Variants in CXCL13 observed in about 807,000 individuals in gnomAD.
The protein encoded by CXCL13 is C-X-C motif chemokine 13.
In CXCL13, 7 loss-of-function variants were observed where a neutral mutation model predicts 12.2. The ratio of observed to expected loss-of-function variants is 0.57; its 90% CI spans 0.33 to 1.07. The LOEUF is 1.07. Ranked by LOEUF, CXCL13 falls within the 50% of genes least tolerant of loss-of-function variation. The pLI is 0.04. For synonymous variants in CXCL13, 47 were observed against 42.4 expected (o/e 1.11, Z -0.42); for missense variants, 113 against 127.4 (o/e 0.89, Z 0.55).
At chr4:77,546,888 T>C (rs1343660947) in intron 1 of CXCL13, among the ~76,000 whole-genome samples, 1 of 152,246 alleles carries the variant, frequency 6.6e-6, no homozygotes, top group Non-Finnish European at 1.5e-5. Context: ...GTGCTATAAA[T>C]TTCCCTCTAC....
intron 1 of CXCL13, among the ~76,000 whole-genome samples, chr4:77,583,624 C>T (rs2109826252): frequency 6.6e-6 from 1 of 152,278 alleles, no homozygotes; most frequent in African/African-American, 2.4e-5. Context: ...TCCCTTGATC[C>T]CAGAGGCAGC....
chr4:77,516,416 G>A (rs903855280), intron 1 of CXCL13, among the ~76,000 whole-genome samples: 17 of 152,218 alleles, frequency 1.1e-4, no homozygotes, highest in South Asian at 2.1e-4. Flanking sequence ...GGTAGAATTC[G>A]GCTGTGAATC....
At chr4:77,545,805 A>T (rs1395358516) in intron 1 of CXCL13, among the ~76,000 whole-genome samples, 5 of 152,180 alleles carry the variant, frequency 3.3e-5, no homozygotes, top group Non-Finnish European at 5.9e-5. Flanking sequence ...GTGGTGAGAG[A>T]GGGCATCCCT....
upstream of CXCL13, among the ~76,000 whole-genome samples, chr4:77,604,817 C>T (rs1377669446): frequency 1.3e-5 from 2 of 152,136 alleles, no homozygotes; most frequent in East Asian, 1.9e-4. Context: ...TTTAGGAAAT[C>T]GCGCCAGGAA....
intron 1 of CXCL13, among the ~76,000 whole-genome samples, chr4:77,536,028 C>A (rs979791389): frequency 6.6e-6 from 1 of 152,090 alleles, no homozygotes; most frequent in Non-Finnish European, 1.5e-5. Flanking sequence ...AGAATAAACA[C>A]CCTAACCTCA....
chr4:77,562,398 G>GGGC (rs1725836952), intron 1 of CXCL13, among the ~76,000 whole-genome samples: 2 of 152,036 alleles, frequency 1.3e-5, no homozygotes, highest in Non-Finnish European at 2.9e-5. Context: ...GAAGCCAGCT[G>GGGC]GGCTCCTGAG....
chr4:77,586,706 G>A (rs1029377245), intron 1 of CXCL13, among the ~76,000 whole-genome samples: 3 of 152,068 alleles, frequency 2.0e-5, no homozygotes, highest in African/African-American at 4.8e-5. Flanking sequence ...TGGCTTCAGT[G>A]GAATAACTCA....
At chr4:77,527,556 T>A (rs1724797933) in intron 1 of CXCL13, among the ~76,000 whole-genome samples, 1 of 151,984 alleles carries the variant, frequency 6.6e-6, no homozygotes, top group Non-Finnish European at 1.5e-5. Context: ...CACTTAAGCC[T>A]GAGAGGTGGA....
At chr4:77,576,518 T>C (rs185510240) in intron 1 of CXCL13, among the ~76,000 whole-genome samples, 10 of 152,278 alleles carry the variant, frequency 6.6e-5, no homozygotes, top group South Asian at 2.1e-4. Context: ...CTTGGGAAAA[T>C]TGGCCTCATA....
At chr4:77,609,315 T>A (rs1672443429) in intron 2 of CXCL13, among the ~76,000 whole-genome samples, 3 of 151,992 alleles carry the variant, frequency 2.0e-5, no homozygotes, top group Admixed American at 2.0e-4. Context: ...TTTTTTGTTT[T>A]GTTTTGTTTT....
Position 77,583,473 on chromosome 4 carries a change from G to A in CXCL13, c.-42-22351G>A, listed in dbSNP as rs76130000. 1.2e-3 allele frequency among the ~76,000 whole-genome samples: 177 copies of A among 152,340 alleles called. 4 individuals carry two copies. The East Asian group carries it at 0.026, about 23-fold the overall frequency. ...TAGAGAAGGAAAGAAAGGAGAGTAA[G>A]GGTTGGAGAACAATTTTCCTGAACA... is the stretch of plus-strand genomic sequence containing the variant. On this transcript the variant is annotated intron_variant, in intron 1 of 4. Transcript: ENST00000286758.
In CXCL13 at chr4:77,611,062, A is replaced by G. The variant is rs1727138100; in HGVS notation, c.*23A>G. 1.9e-6 allele frequency: 3 copies of G among 1,587,810 alleles called. No homozygotes were observed. Among genetic ancestry groups the G allele is most frequent in the African/African-American group, 2.7e-5 (2 of 74,470 alleles). On this transcript the variant is annotated 3_prime_UTR_variant, in exon 4 of 4. Coordinates refer to ENST00000682537, the MANE Select transcript of CXCL13 (RefSeq NM_001371558.1). ...TGATGCTGATATTTCCACTAAGAACACCTGCATTCTTCCCTTATCCCTGCT... is the reference window on the plus strand; with the variant it reads ...TGATGCTGATATTTCCACTAAGAACGCCTGCATTCTTCCCTTATCCCTGCT...
chr4:77,546,910 C>T (rs1293156574), intron 1 of CXCL13, among the ~76,000 whole-genome samples: 1 of 152,124 alleles, frequency 6.6e-6, no homozygotes, highest in Non-Finnish European at 1.5e-5. Flanking sequence ...TACTGCTTTA[C>T]ATGTGTCCCA....
At chr4:77,582,357 A>G (rs1439444847) in intron 1 of CXCL13, among the ~76,000 whole-genome samples, 1 of 152,208 alleles carries the variant, frequency 6.6e-6, no homozygotes, top group Non-Finnish European at 1.5e-5. Context: ...ATGATTCTTA[A>G]GAGACCATGC....
chr4:77,584,816 A>G (rs1726415297), intron 1 of CXCL13, among the ~76,000 whole-genome samples: 1 of 152,274 alleles, frequency 6.6e-6, no homozygotes, highest in African/African-American at 2.4e-5. Flanking sequence ...GGGAATGCCA[A>G]TCTGCTTTTT....
rs1325826377 is a variant in CXCL13 at position 77,588,802 on chromosome 4, G to A, written c.-42-17022G>A. ...CCTCCCTTCTCAAGCATAGATAAAC[G>A]AGAACAAAGCTGAACTCTCCCATAG... On this transcript the variant is annotated intron_variant, in intron 1 of 4. Coordinates refer to the CXCL13 transcript ENST00000286758. Among the ~76,000 whole-genome samples, 8 of 152,192 alleles carry A rather than the reference G, an allele frequency of 5.3e-5. No homozygotes were observed. The East Asian group carries it at 9.7e-4, about 18-fold the overall frequency.
At chr4:77,551,102 TG>T (rs1280971471) in intron 1 of CXCL13, among the ~76,000 whole-genome samples, 3 of 152,206 alleles carry the variant, frequency 2.0e-5, no homozygotes, top group African/African-American at 7.2e-5. Flanking sequence ...GCCTTTTAAG[TG>T]GGGCATTTAG....
Position 77,512,068 on chromosome 4 carries a change from C to T in CXCL13, c.-43+280C>T, listed in dbSNP as rs151048767. On this transcript the variant is annotated intron_variant, in intron 1 of 4. Coordinates refer to the CXCL13 transcript ENST00000286758. Reference sequence around the variant, plus strand: ...TGTATAGTCTGTTCAGAGGACTAACCGTTCAGAACATTTTTCTTTGATCGA... The same window carrying T: ...TGTATAGTCTGTTCAGAGGACTAACTGTTCAGAACATTTTTCTTTGATCGA... 3.3e-3 allele frequency among the ~76,000 whole-genome samples: 507 copies of T among 152,234 alleles called. 4 individuals carry two copies. Among genetic ancestry groups the T allele is most frequent in the African/African-American group, 0.012 (478 of 41,556 alleles).
rs187937039 is a variant in CXCL13 at position 77,544,091 on chromosome 4, G to A, written c.-43+32303G>A. On this transcript the variant is annotated intron_variant, in intron 1 of 4. Coordinates refer to the CXCL13 transcript ENST00000286758. ...GGACATGAACTCATCCTTTTTTATGGCTGCATAGTATTCCATGGAGTACAT... is the reference window on the plus strand; with the variant it reads ...GGACATGAACTCATCCTTTTTTATGACTGCATAGTATTCCATGGAGTACAT... 1.1e-4 allele frequency among the ~76,000 whole-genome samples: 17 copies of A among 152,152 alleles called. No homozygotes were observed. In the East Asian group the frequency reaches 2.9e-3, roughly 26 times the overall value.
Sources: allele counts gnomAD v4.1 joint callset (sites outside exome capture counted in the v4.1 genomes callset), GRCh38; gene constraint gnomAD v4.1.1; transcripts MANE v1.5; gene names NCBI Gene and HGNC (gene_info 2026-07-23, HGNC 2026-07-21).